The following RBMXL1 variants were observed in gnomAD, a reference collection of about 807,000 sequenced individuals.
The protein encoded by RBMXL1 is RNA binding motif protein, X-linked-like-1.
RBMXL1 carries 18 observed loss-of-function variants against 29.0 expected under a neutral mutation model. The ratio of observed to expected loss-of-function variants is 0.62; its 90% CI spans 0.43 to 0.92. RBMXL1 has a LOEUF of 0.92. Among genes scored for constraint, RBMXL1 ranks in the 40% least tolerant of loss-of-function variants. RBMXL1 has a pLI of 0.00. For missense variants in RBMXL1, 403 were observed against 495.8 expected (o/e 0.81, Z 1.78); for synonymous variants, 141 against 170.4 (o/e 0.83, Z 1.34).
At chr1:88,989,457 A>G (rs1677657088) in intron 1 of RBMXL1, among the ~76,000 whole-genome samples, 1 of 152,210 alleles carries the variant, frequency 6.6e-6, no homozygotes, top group African/African-American at 2.4e-5. Flanking sequence ...GAATAAATTA[A>G]TAAGGTTTGA....
At chr1:88,991,213 C>A (rs1043909645) in intron 1 of RBMXL1, among the ~76,000 whole-genome samples, 2 of 151,948 alleles carry the variant, frequency 1.3e-5, no homozygotes, top group Middle Eastern at 6.8e-3. Context: ...TTTGGGGGGC[C>A]GAATATAAAG....
rs772320082 is a variant in RBMXL1, at chr1:88,980,046, A to G, written c.*2608T>C. ...GTGAATTTCAAAGTCATTGTGTGTGAAAGAAACCATAAACAAAAAAGTACA... is the reference window on the plus strand; with the variant it reads ...GTGAATTTCAAAGTCATTGTGTGTGGAAGAAACCATAAACAAAAAAGTACA... On this transcript the variant is annotated 3_prime_UTR_variant, in exon 3 of 3. Coordinates refer to ENST00000652648, the MANE Select transcript of RBMXL1 (RefSeq NM_001162536.3). 9.2e-5 allele frequency: 14 copies of G among 152,252 alleles called. No homozygotes were observed. Among genetic ancestry groups the G allele is most frequent in the Non-Finnish European group, 1.8e-4 (12 of 68,042 alleles). The allele number at this position is 152,252 out of a possible 1,614,324, so 9.4% of individuals were successfully genotyped here.
At chr1:88,989,843 T>C (rs1677685384) in intron 1 of RBMXL1, among the ~76,000 whole-genome samples, 1 of 152,280 alleles carries the variant, frequency 6.6e-6, no homozygotes, top group African/African-American at 2.4e-5. Flanking sequence ...CTACAGCACA[T>C]TACCTCCATC....
intron 1 of RBMXL1, among the ~76,000 whole-genome samples, chr1:88,991,453 C>T (rs991152099): frequency 6.6e-6 from 1 of 152,224 alleles, no homozygotes; most frequent in African/African-American, 2.4e-5. Context: ...AGTCCGACCA[C>T]TGTAAAGATG....
chr1:88,992,146 T>G (rs1163730412), intron 1 of RBMXL1, among the ~76,000 whole-genome samples: 1 of 151,954 alleles, frequency 6.6e-6, no homozygotes, highest in Admixed American at 6.6e-5. Context: ...GCCCGGCTAA[T>G]TTTTTGTATT....
Position 88,981,934 on chromosome 1 carries a change from G to A in RBMXL1, c.*720C>T, listed in dbSNP as rs1677110599. ...ATTAGAGTTGCAAAAATTTGAAAGA[G>A]TAAGAGCAAGCACCTTTGCAGCTTC... On this transcript the variant is annotated 3_prime_UTR_variant, in exon 3 of 3. Transcript: ENST00000652648. The A allele has an allele frequency of 7.1e-6, 7 of 979,512 alleles. No homozygotes were observed. Among genetic ancestry groups the A allele is most frequent in the Non-Finnish European group, 8.5e-6 (7 of 824,168 alleles). 60.7% of individuals were successfully genotyped at this position (979,512 alleles called of 1,614,324 possible).
Position 88,982,952 on chromosome 1 carries a change from C to G in RBMXL1, c.875G>C (p.Arg292Pro). 3.1e-6 allele frequency: 5 copies of G among 1,613,890 alleles called. No individual in the cohort carries two copies. Among genetic ancestry groups the G allele is most frequent in the Non-Finnish European group, 4.2e-6 (5 of 1,179,912 alleles). The change falls in exon 3 of 3, where the codon CGT becomes CCT. Residue 292 changes from arginine (R) to proline (P), a missense_variant. Coordinates refer to ENST00000652648, the MANE Select transcript of RBMXL1 (RefSeq NM_001162536.3). Reference protein sequence around the residue: ...RDSYESYGNSRSAPLTRGPPP... With the variant: ...RDSYESYGNSPSAPLTRGPPP... Reference sequence around the variant, plus strand: ...GGGCCCTCGTGTAAGTGGAGCACTACGTGAGTTACCATAACTCTCATATGA... The same window carrying G: ...GGGCCCTCGTGTAAGTGGAGCACTAGGTGAGTTACCATAACTCTCATATGA...
rs1677144792 is a variant in RBMXL1, at chr1:88,982,551, C to T, written c.*103G>A. On this transcript the variant is annotated 3_prime_UTR_variant, in exon 3 of 3. Coordinates refer to ENST00000652648, the MANE Select transcript of RBMXL1 (RefSeq NM_001162536.3). ...AACAGGGAATTTAAAAAAGGTAACACAATTTTTCCTTTTAGTAGTCCTTGG... is the reference window on the plus strand; with the variant it reads ...AACAGGGAATTTAAAAAAGGTAACATAATTTTTCCTTTTAGTAGTCCTTGG... The T allele has an allele frequency of 1.4e-6, 2 of 1,447,478 alleles. No homozygotes were observed. The highest frequency in any genetic ancestry group is 1.9e-6 in the Non-Finnish European group (2 of 1,080,550). The allele number at this position is 1,447,478 out of a possible 1,614,324, so 89.7% of individuals were successfully genotyped here.
At position 88,988,278 on chromosome 1, in the gene RBMXL1, T is replaced by G. The variant is rs749969622; in HGVS notation, c.-267A>C. The G allele has an allele frequency of 6.2e-7, 1 of 1,613,638 alleles. No homozygotes were observed. ...GCAGAAGTAGAGAATCCGAGGATTT[T>G]GGAAGAAGAAATTGTCTTCAGGAAT... is the stretch of plus-strand genomic sequence containing the variant. On this transcript the variant is annotated 5_prime_UTR_variant, in exon 2 of 3. Transcript: ENST00000652648.
intron 2 of RBMXL1, among the ~76,000 whole-genome samples, chr1:88,985,409 T>G (rs987875947): frequency 1.3e-5 from 2 of 152,222 alleles, no homozygotes; most frequent in Non-Finnish European, 2.9e-5. Context: ...CTGTTTCTTC[T>G]GGGCACATGA....
chr1:88,991,846 G>A (rs1486396535), intron 1 of RBMXL1, among the ~76,000 whole-genome samples: 1 of 152,232 alleles, frequency 6.6e-6, no homozygotes, highest in Non-Finnish European at 1.5e-5. Flanking sequence ...AAGGAGCCAC[G>A]CGTGGGCGAA....
At chr1:88,989,692 A>G (rs1677675647) in intron 1 of RBMXL1, among the ~76,000 whole-genome samples, 1 of 152,220 alleles carries the variant, frequency 6.6e-6, no homozygotes, top group African/African-American at 2.4e-5. Flanking sequence ...TTCACCCCAG[A>G]CTGGGTGAGC....
intron 1 of RBMXL1, among the ~76,000 whole-genome samples, chr1:88,990,140 A>G (rs1382947207): frequency 6.6e-6 from 1 of 152,186 alleles, no homozygotes; most frequent in Non-Finnish European, 1.5e-5. Flanking sequence ...ATAATAAAGG[A>G]AATTACCCTC....
In RBMXL1 at chr1:88,981,910, T is replaced by C. The variant is rs1458971111; in HGVS notation, c.*744A>G. The C allele has an allele frequency of 3.2e-6, 3 of 940,896 alleles. No individual in the cohort carries two copies. The highest frequency in any genetic ancestry group is 9.8e-5 in the South Asian group (2 of 20,308). The allele number at this position is 940,896 out of a possible 1,614,324, so 58.3% of individuals were successfully genotyped here. ...AAGCTGTTCCTTTAAAAGTGAGACA[T>C]TAGAGTTGCAAAAATTTGAAAGAGT... is the stretch of plus-strand genomic sequence containing the variant. On this transcript the variant is annotated 3_prime_UTR_variant, in exon 3 of 3. Coordinates refer to ENST00000652648, the MANE Select transcript of RBMXL1 (RefSeq NM_001162536.3).
rs1677039602 is a variant in RBMXL1, at chr1:88,980,696, C to T, written c.*1958G>A. 6.6e-6 allele frequency: 1 copy of T among 152,268 alleles called. No individual in the cohort carries two copies. Among genetic ancestry groups the T allele is most frequent in the African/African-American group, 2.4e-5 (1 of 41,430 alleles). The allele number at this position is 152,268 out of a possible 1,614,324, so 9.4% of individuals were successfully genotyped here. A position where few individuals can be genotyped will look rare whatever the true frequency, so the allele number is the denominator to read the frequency against. On this transcript the variant is annotated 3_prime_UTR_variant, in exon 3 of 3. Transcript: ENST00000652648. ...CTCCTTGCTTTGAACAATATTCATT[C>T]ATATTTGGTACAAACTCTATATCCT...
chr1:88,984,942 G>A (rs937059174), intron 2 of RBMXL1, among the ~76,000 whole-genome samples: 9 of 152,196 alleles, frequency 5.9e-5, no homozygotes, highest in Admixed American at 2.6e-4. Context: ...ACTTCTGTCT[G>A]GTTACTTCAT....
rs1455209250 is a variant in RBMXL1 at position 88,984,076 on chromosome 1, T to C, written c.-240-10A>G. 1.8e-6 allele frequency: 1 copy of C among 560,186 alleles called. No individual in the cohort carries two copies. The highest frequency in any genetic ancestry group is 1.9e-5 in the African/African-American group (1 of 53,080). The allele number at this position is 560,186 out of a possible 1,614,324, so 34.7% of individuals were successfully genotyped here. On this transcript the variant is annotated splice_polypyrimidine_tract_variant and intron_variant, in intron 2 of 2. Coordinates refer to ENST00000652648, the MANE Select transcript of RBMXL1 (RefSeq NM_001162536.3). ...AAACAACAGAATGTTCCTGTAATGG[T>C]GGAAGAAATGAAAGTAAAACTCAGA...
chr1:88,984,230 T>G (rs922577081), intron 2 of RBMXL1, among the ~76,000 whole-genome samples, 164 bp from the exon 3 acceptor site: 33 of 128,230 alleles, frequency 2.6e-4, no homozygotes, highest in African/African-American at 1.3e-3. Context: ...TTTTTTTTTT[T>G]GTAGACAGGA....
chr1:88,990,403 C>T (rs1677719715), intron 1 of RBMXL1, among the ~76,000 whole-genome samples: 1 of 152,194 alleles, frequency 6.6e-6, no homozygotes, highest in African/African-American at 2.4e-5. Flanking sequence ...GACTTTTCAC[C>T]CATTACTCCA....
Sources: allele counts gnomAD v4.1 joint callset (sites outside exome capture counted in the v4.1 genomes callset), GRCh38; gene constraint gnomAD v4.1.1; transcripts MANE v1.5; gene names NCBI Gene and HGNC (gene_info 2026-07-23, HGNC 2026-07-21).